The following TMEM144 variants were observed in gnomAD, a reference collection of about 807,000 sequenced individuals.
TMEM144 encodes transmembrane protein 144.
In TMEM144, 39 loss-of-function variants were observed where a neutral mutation model predicts 43.6. The observed-to-expected ratio is 0.90, with a 90% CI of 0.69 to 1.17. The LOEUF (loss-of-function observed/expected upper bound fraction) is 1.17, where lower values mean the gene tolerates loss of function less well. TMEM144 is among the 50% of genes most tolerant of loss of function. The pLI is 0.00. For missense variants in TMEM144, 417 were observed against 411.9 expected (o/e 1.01, Z -0.11); for synonymous variants, 154 against 133.6 (o/e 1.15, Z -1.06).
chr4:158,215,124 G>GTGCTC, intron 3 of TMEM144, 67 bp from the exon 4 acceptor site: 1 of 1,603,528 alleles, frequency 6.2e-7, no homozygotes, highest in Non-Finnish European at 8.5e-7. Flanking sequence ...TCACCTCATA[G>GTGCTC]ATATTCCTGA....
intron 6 of TMEM144, among the ~76,000 whole-genome samples, chr4:158,231,759 T>C (rs1735091499): frequency 6.6e-6 from 1 of 152,058 alleles, no homozygotes; most frequent in African/African-American, 2.4e-5. Flanking sequence ...TGGTCAGGCA[T>C]AGAAGCCAAT....
intron 6 of TMEM144, among the ~76,000 whole-genome samples, chr4:158,227,379 C>A (rs1734828808): frequency 6.6e-6 from 1 of 152,122 alleles, no homozygotes; most frequent in Non-Finnish European, 1.5e-5. Context: ...GGCCTCAGTG[C>A]TTTCAGGATA....
At chr4:158,241,128 T>C (rs1473287299) in intron 10 of TMEM144, among the ~76,000 whole-genome samples, 1 of 152,046 alleles carries the variant, frequency 6.6e-6, no homozygotes, top group Non-Finnish European at 1.5e-5. Flanking sequence ...ACTACAGGTT[T>C]TTTTTTTTTC....
At chr4:158,237,112 T>C (rs1735388883) in intron 8 of TMEM144, among the ~76,000 whole-genome samples, 2 of 152,204 alleles carry the variant, frequency 1.3e-5, no homozygotes, top group African/African-American at 4.8e-5. Context: ...CCTAGTTCTG[T>C]GCTGGATAGC....
At chr4:158,247,330 G>A (rs967703551) in intron 12 of TMEM144, among the ~76,000 whole-genome samples, 5 of 151,962 alleles carry the variant, frequency 3.3e-5, no homozygotes, top group Middle Eastern at 3.6e-3. Context: ...ACTATTATAC[G>A]ATATTTCCTA....
At chr4:158,253,337 A>G (rs1736305570) in intron 12 of TMEM144, 107 bp from the exon 13 acceptor site, 4 of 877,466 alleles carry the variant, frequency 4.6e-6, no homozygotes, top group Admixed American at 2.4e-5. Flanking sequence ...AAAAGGGTAC[A>G]GGCGGCTAGA....
intron 9 of TMEM144, among the ~76,000 whole-genome samples, chr4:158,240,008 C>T (rs892009942): frequency 4.0e-5 from 6 of 151,838 alleles, no homozygotes; most frequent in African/African-American, 9.7e-5. Flanking sequence ...GCCTCAGCCT[C>T]CCAGGTAGCT....
chr4:158,253,263 A>C (rs1736301008), intron 12 of TMEM144, among the ~76,000 whole-genome samples, 181 bp from the exon 13 acceptor site: 1 of 152,198 alleles, frequency 6.6e-6, no homozygotes, highest in African/African-American at 2.4e-5. Context: ...TATTTACGGA[A>C]TGGGTGAATT....
chr4:158,227,086 C>A (rs1734809988), intron 6 of TMEM144, among the ~76,000 whole-genome samples: 1 of 149,190 alleles, frequency 6.7e-6, no homozygotes, highest in African/African-American at 2.5e-5. Context: ...ATTAATAAGA[C>A]CTTGTTTTGT....
At chr4:158,225,507 T>C (rs751877732) in intron 6 of TMEM144, among the ~76,000 whole-genome samples, 2 of 152,220 alleles carry the variant, frequency 1.3e-5, no homozygotes, top group African/African-American at 4.8e-5. Flanking sequence ...CTGGTATTCC[T>C]TGTGGGGCCC....
At chr4:158,232,716 T>C (rs1235454542) in intron 6 of TMEM144, among the ~76,000 whole-genome samples, 185 bp from the exon 7 acceptor site, 1 of 152,146 alleles carries the variant, frequency 6.6e-6, no homozygotes, top group Non-Finnish European at 1.5e-5. Context: ...TTAAGGAAAA[T>C]GAGAAACATC....
intron 12 of TMEM144, among the ~76,000 whole-genome samples, chr4:158,250,184 TTA>T (rs541085497): frequency 1.4e-3 from 187 of 135,998 alleles, no homozygotes; most frequent in African/African-American, 4.6e-3. Context: ...ATTTTGTTAA[TTA>T]ATACATAACA....
At chr4:158,211,000 AG>A (rs1021230710) in intron 1 of TMEM144, 2 of 152,244 alleles carry the variant, frequency 1.3e-5, no homozygotes, top group African/African-American at 4.8e-5. Context: ...GAGACTTTTT[AG>A]GTTTTGTGCA....
intron 6 of TMEM144, 102 bp from the exon 7 acceptor site, chr4:158,232,799 A>C: frequency 3.8e-5 from 28 of 729,386 alleles, no homozygotes; most frequent in Non-Finnish European, 5.7e-5. Flanking sequence ...TTGTATCATT[A>C]GGATCCGATT....
intron 10 of TMEM144, 78 bp downstream of exon 10, chr4:158,240,496 T>C (rs926334046): frequency 2.0e-6 from 3 of 1,481,328 alleles, no homozygotes; most frequent in East Asian, 2.3e-5. Context: ...AAGTTTCTTC[T>C]GGAAACAAAG....
intron 6 of TMEM144, among the ~76,000 whole-genome samples, chr4:158,232,602 A>C (rs748162248): frequency 2.8e-4 from 43 of 152,382 alleles, no homozygotes; most frequent in Non-Finnish European, 2.2e-4. Flanking sequence ...ATATTATTTC[A>C]ATGTAGTTTT....
At position 158,219,408 on chromosome 4, in the gene TMEM144, GTGATTTTGC is replaced by G; in HGVS notation, c.413+21_413+29del. On this transcript the variant is annotated intron_variant, in intron 6 of 12. Transcript: ENST00000296529. ...GTAGTAAGGTACACAGTCATTTCTA[GTGATTTTGC>G]TGTTCTTCAAAACATGGAGAGTGCT... is the stretch of plus-strand genomic sequence containing the variant. 1 of 1,607,686 alleles carries G rather than the reference GTGATTTTGC, an allele frequency of 6.2e-7. No individual in the cohort carries two copies. The highest frequency in any genetic ancestry group is 2.2e-5 in the East Asian group (1 of 44,824).
intron 6 of TMEM144, among the ~76,000 whole-genome samples, chr4:158,229,398 G>A (rs968271467): frequency 6.6e-6 from 1 of 152,142 alleles, no homozygotes; most frequent in Non-Finnish European, 1.5e-5. Flanking sequence ...GACCCCAAGA[G>A]GCACCAACCT....
At chr4:158,213,221 A>ATAATTTTTT in intron 3 of TMEM144, 1 of 176,612 alleles carries the variant, frequency 5.7e-6, no homozygotes, top group Non-Finnish European at 1.2e-5. Context: ...GATAATACAC[A>ATAATTTTTT]TAATGCACGC....
Sources: allele counts gnomAD v4.1 joint callset (sites outside exome capture counted in the v4.1 genomes callset), GRCh38; gene constraint gnomAD v4.1.1; transcripts MANE v1.5; gene names NCBI Gene and HGNC (gene_info 2026-07-23, HGNC 2026-07-21).